Variants in RPUSD1 observed in about 807,000 individuals in gnomAD.
The protein encoded by RPUSD1 is RNA pseudouridine synthase domain containing 1, also known as pseudouridylate synthase RPUSD1.
In RPUSD1, 28 loss-of-function variants were observed where a neutral mutation model predicts 22.4. The observed-to-expected ratio is 1.25, with a 90% CI of 0.93 to 1.72. RPUSD1 has a LOEUF of 1.72. Ranked by LOEUF, RPUSD1 falls within the 40% of genes most tolerant of loss-of-function variation. The probability of loss-of-function intolerance (pLI) is 0.00; values close to 1 mark genes in which losing one functional copy is unlikely to be tolerated. For synonymous variants in RPUSD1, 298 were observed against 201.0 expected (o/e 1.48, Z -4.08); for missense variants, 596 against 442.2 (o/e 1.35, Z -3.12).
chr16:785,827 A>G lies in RPUSD1; in HGVS notation c.*123T>C. 1 of 909,370 alleles carries G rather than the reference A, an allele frequency of 1.1e-6. No individual in the cohort carries two copies. The highest frequency in any genetic ancestry group is 3.6e-5 in the Admixed American group (1 of 27,456). The allele number at this position is 909,370 out of a possible 1,614,324, so 56.3% of individuals were successfully genotyped here. A position where few individuals can be genotyped will look rare whatever the true frequency, so the allele number is the denominator to read the frequency against. On this transcript the variant is annotated 3_prime_UTR_variant, in exon 6 of 6. Coordinates refer to ENST00000007264, the MANE Select transcript of RPUSD1 (RefSeq NM_058192.3). Reference sequence around the variant, plus strand: ...CTTCCTCGCAGGCCTGGCCGGGGCAACCCAGTGGGCCTGATGCTGCCTGGC... The same window carrying G: ...CTTCCTCGCAGGCCTGGCCGGGGCAGCCCAGTGGGCCTGATGCTGCCTGGC...
chr16:785,961 GT>G lies in RPUSD1; in HGVS notation c.927del (p.Glu309AspfsTer21), dbSNP rs1490836654. 8 of 1,439,552 alleles carry G rather than the reference GT, an allele frequency of 5.6e-6. No individual in the cohort carries two copies. In the South Asian group the frequency reaches 5.8e-5, roughly 10 times the overall value. The allele number at this position is 1,439,552 out of a possible 1,614,324, so 89.2% of individuals were successfully genotyped here. ...CAGCCCCACGGCTCTCAGCTGTCCGGTTCCAGCGTCCACTCCGACAGCCACT... is the reference window on the plus strand; with the variant it reads ...CAGCCCCACGGCTCTCAGCTGTCCGGTCCAGCGTCCACTCCGACAGCCACT... ...CLQWLSEWTL[E>X]PDS On this transcript the variant is annotated frameshift_variant, in exon 6 of 6. Coordinates refer to ENST00000007264, the MANE Select transcript of RPUSD1 (RefSeq NM_058192.3). LOFTEE classifies it high-confidence loss of function.
In RPUSD1 at chr16:787,404, C is replaced by G. The variant is rs1028518519; in HGVS notation, c.256G>C (p.Ala86Pro). The G allele has an allele frequency of 6.3e-7, 1 of 1,586,502 alleles. No homozygotes were observed. ...CGCCGCTCCTTGAAGCACCTGTACG[C>G]GCTGCCGGCGGCTGCCTTGTTTAGG... Reference protein sequence around the residue: ...VALNKAAAGSAYRCFKERRVT... With the variant: ...VALNKAAAGSPYRCFKERRVT... Residue 86 changes from alanine to proline, a missense_variant, in exon 3 of 6, where the codon GCG becomes CCG. Transcript: ENST00000007264.
chr16:785,991 G>A lies in RPUSD1; in HGVS notation c.898C>T (p.Leu300=). The A allele has an allele frequency of 2.1e-6, 3 of 1,456,436 alleles. No individual in the cohort carries two copies. The highest frequency in any genetic ancestry group is 1.8e-6 in the Non-Finnish European group (2 of 1,108,594). The allele number at this position is 1,456,436 out of a possible 1,614,324, so 90.2% of individuals were successfully genotyped here. A position where few individuals can be genotyped will look rare whatever the true frequency, so the allele number is the denominator to read the frequency against. The change falls in exon 6 of 6, where the codon CTG becomes TTG. Residue 300 remains leucine, a synonymous_variant. Transcript: ENST00000007264. ...AGCGTCCACTCCGACAGCCACTGCA[G>A]GCAGGGGCCCCGCTGTGCCTCAGTC... ...PETEAQRGPC[L]QWLSEWTLEP... is the part of the protein sequence containing the mutation.
Position 786,825 on chromosome 16 carries a change from AC to A in RPUSD1, c.511+1del. Reference sequence around the variant, plus strand: ...CCAGGACACCGCCCACCCCAGACACACCCGTGAGCGGCTTCAGCAGCACTTT... The same window carrying A: ...CCAGGACACCGCCCACCCCAGACACACCGTGAGCGGCTTCAGCAGCACTTT... On this transcript the variant is annotated splice_donor_variant, in intron 5 of 5. Transcript: ENST00000007264. LOFTEE classifies it high-confidence loss of function. 1 of 1,611,334 alleles carries A rather than the reference AC, an allele frequency of 6.2e-7. No homozygotes were observed. The highest frequency in any genetic ancestry group is 2.2e-5 in the East Asian group (1 of 44,844).
chr16:788,095 C>A (rs1402536397), intron 1 of RPUSD1, 161 bp downstream of exon 1: 3 of 481,854 alleles, frequency 6.2e-6, no homozygotes, highest in Non-Finnish European at 1.2e-5. Flanking sequence ...GGGGCTGCAG[C>A]ACTACCAGGC....
Position 787,450 on chromosome 16 carries a change from G to T in RPUSD1, c.210C>A (p.Thr70=), listed in dbSNP as rs375981058. The T allele has an allele frequency of 9.0e-5, 142 of 1,583,996 alleles. No homozygotes were observed. The highest frequency in any genetic ancestry group is 1.2e-4 in the Non-Finnish European group (135 of 1,165,124). The change falls in exon 3 of 6, where the codon ACC becomes ACA. Residue 70 remains threonine (T), a synonymous_variant. Coordinates refer to ENST00000007264, the MANE Select transcript of RPUSD1 (RefSeq NM_058192.3). ...FRFCHQLDFS[T]SGALCVALNK... Reference sequence around the variant, plus strand: ...TTAGGGCCACGCACAGCGCCCCGCTGGTGGAGAAATCCAGCTGGTGGCAGA... The same window carrying T: ...TTAGGGCCACGCACAGCGCCCCGCTTGTGGAGAAATCCAGCTGGTGGCAGA...
In RPUSD1 at chr16:787,873, T is replaced by C. The variant is rs975328428; in HGVS notation, c.-7-129A>G. The C allele has an allele frequency of 1.3e-4, 109 of 839,988 alleles. 1 individual carries two copies. The highest frequency in any genetic ancestry group is 1.8e-4 in the Admixed American group (7 of 38,304). 52.0% of individuals were successfully genotyped at this position (839,988 alleles called of 1,614,324 possible). A position where few individuals can be genotyped will look rare whatever the true frequency, so the allele number is the denominator to read the frequency against. The stretch of plus-strand genomic sequence containing the variant: ...CACCGAGCCGGGTCCGCAGCCCTAC[T>C]GTGCACCTGCATCCTCAGTCCCCGA... On this transcript the variant is annotated intron_variant, in intron 1 of 5. Coordinates refer to ENST00000007264, the MANE Select transcript of RPUSD1 (RefSeq NM_058192.3).
Position 785,863 on chromosome 16 carries a change from C to A in RPUSD1, c.*87G>T. ...CTGATGCTGCCTGGCACCTCGAGGC[C>A]CCAGAGCCAGTGAGCAGACGCTCGC... On this transcript the variant is annotated 3_prime_UTR_variant, in exon 6 of 6. Transcript: ENST00000007264. 8.1e-7 allele frequency: 1 copy of A among 1,228,482 alleles called. No individual in the cohort carries two copies. The highest frequency in any genetic ancestry group is 2.8e-5 in the East Asian group (1 of 35,730). The allele number at this position is 1,228,482 out of a possible 1,614,324, so 76.1% of individuals were successfully genotyped here.
rs1224228790 is a variant in RPUSD1 at position 787,486 on chromosome 16, G to A, written c.183-9C>T. On this transcript the variant is annotated splice_polypyrimidine_tract_variant and intron_variant, in intron 2 of 5. Coordinates refer to ENST00000007264, the MANE Select transcript of RPUSD1 (RefSeq NM_058192.3). ...CCAGCTGGTGGCAGAACCTGGAGTGGGACAGAGTCCAGAGTCTGAGCCACT... is the reference window on the plus strand; with the variant it reads ...CCAGCTGGTGGCAGAACCTGGAGTGAGACAGAGTCCAGAGTCTGAGCCACT... The A allele has an allele frequency of 9.4e-6, 15 of 1,589,478 alleles. 1 individual carries two copies. The highest frequency in any genetic ancestry group is 2.3e-5 in the South Asian group (2 of 88,590).
chr16:785,679 C>T lies in RPUSD1; in HGVS notation c.*271G>A, dbSNP rs78338841. 4,253 of 385,124 alleles carry T rather than the reference C, an allele frequency of 0.011. 175 individuals are homozygous for T. In the South Asian group the frequency reaches 0.13, roughly 12 times the overall value. 23.9% of individuals were successfully genotyped at this position (385,124 alleles called of 1,614,324 possible). ...CTGTTCCAGGAGGAGGGAGGGGCCT[C>T]GGTTTCTCCCGGGGCATGTGGGCAG... On this transcript the variant is annotated 3_prime_UTR_variant, in exon 6 of 6. Transcript: ENST00000007264.
At chr16:788,143 G>A (rs1596734732) in intron 1 of RPUSD1, 113 bp downstream of exon 1, 1 of 450,822 alleles carries the variant, frequency 2.2e-6, no homozygotes, top group South Asian at 1.6e-5. Context: ...GGTTAGGGCT[G>A]GGGCCTCCTC....
rs2151629799 is a variant in RPUSD1, at chr16:785,879, A to G, written c.*71T>C. Reference sequence around the variant, plus strand: ...CCTCGAGGCCCCAGAGCCAGTGAGCAGACGCTCGCTCGCCCATCTCCCTAG... The same window carrying G: ...CCTCGAGGCCCCAGAGCCAGTGAGCGGACGCTCGCTCGCCCATCTCCCTAG... On this transcript the variant is annotated 3_prime_UTR_variant, in exon 6 of 6. Transcript: ENST00000007264. 7.7e-7 allele frequency: 1 copy of G among 1,294,084 alleles called. No homozygotes were observed. The highest frequency in any genetic ancestry group is 1.9e-4 in the Middle Eastern group (1 of 5,144). 80.2% of individuals were successfully genotyped at this position (1,294,084 alleles called of 1,614,324 possible).
At position 787,710 on chromosome 16, in the gene RPUSD1, A is replaced by G. The variant is rs1313064477; in HGVS notation, c.28T>C (p.Ser10Pro). 1.2e-6 allele frequency: 2 copies of G among 1,611,502 alleles called. No individual in the cohort carries two copies. Among genetic ancestry groups the G allele is most frequent in the South Asian group, 1.1e-5 (1 of 91,084 alleles). The change falls in exon 2 of 6, where the codon TCC becomes CCC. Residue 10 changes from serine to proline, a missense_variant. Physicochemically the swap from Ser to Pro is moderately conservative, Grantham distance 74. Coordinates refer to ENST00000007264, the MANE Select transcript of RPUSD1 (RefSeq NM_058192.3). MEPGSVENL[S>P]IVYRSRDFLV... The stretch of plus-strand genomic sequence containing the variant: ...AAGTCGCGGCTCCGGTACACGATGG[A>G]CAGGTTCTCCACGCTGCCTGGCTCC...
In RPUSD1 at chr16:786,190, G is replaced by T. The variant is rs1320200470; in HGVS notation, c.699C>A (p.Ser233=). The change falls in exon 6 of 6, where the codon TCC becomes TCA. Residue 233 remains serine, a synonymous_variant. Transcript: ENST00000007264. The stretch of plus-strand genomic sequence containing the variant: ...TGTGGGGGCTCCAGCAGGCATCCAG[G>T]GAGGGCAGGAAGGGGTCAGGCGTGC... ...EVCTPDPFLP[S]LDACWSPHTL... 1 of 1,612,524 alleles carries T rather than the reference G, an allele frequency of 6.2e-7. No individual in the cohort carries two copies. The highest frequency in any genetic ancestry group is 1.3e-5 in the African/African-American group (1 of 74,912).
Position 785,596 on chromosome 16 carries a change from G to A in RPUSD1, c.*354C>T. Reference sequence around the variant, plus strand: ...CCAAAACCTGGCCCTGCCTCTTCCTGAGGTGACCTTGAGTCCGTAAAACTG... The same window carrying A: ...CCAAAACCTGGCCCTGCCTCTTCCTAAGGTGACCTTGAGTCCGTAAAACTG... On this transcript the variant is annotated 3_prime_UTR_variant, in exon 6 of 6. Coordinates refer to ENST00000007264, the MANE Select transcript of RPUSD1 (RefSeq NM_058192.3). The A allele has an allele frequency of 4.2e-6, 1 of 239,464 alleles. No homozygotes were observed. The highest frequency in any genetic ancestry group is 8.0e-6 in the Non-Finnish European group (1 of 124,956). The allele number at this position is 239,464 out of a possible 1,614,324, so 14.8% of individuals were successfully genotyped here.
intron 1 of RPUSD1, 107 bp from the exon 2 acceptor site, chr16:787,851 C>A: frequency 2.5e-6 from 3 of 1,181,172 alleles, no homozygotes; most frequent in Non-Finnish European, 3.6e-6. Context: ...GCGAAGCCAC[C>A]GAGCCGGGTC....
chr16:785,821 G>A lies in RPUSD1; in HGVS notation c.*129C>T, dbSNP rs113843321. 2.1e-4 allele frequency: 182 copies of A among 852,344 alleles called. 3 individuals carry two copies. In the African/African-American group the frequency reaches 2.2e-3, roughly 10 times the overall value. 52.8% of individuals were successfully genotyped at this position (852,344 alleles called of 1,614,324 possible). Reference sequence around the variant, plus strand: ...TCAGCCCTTCCTCGCAGGCCTGGCCGGGGCAACCCAGTGGGCCTGATGCTG... The same window carrying A: ...TCAGCCCTTCCTCGCAGGCCTGGCCAGGGCAACCCAGTGGGCCTGATGCTG... On this transcript the variant is annotated 3_prime_UTR_variant, in exon 6 of 6. Coordinates refer to ENST00000007264, the MANE Select transcript of RPUSD1 (RefSeq NM_058192.3).
chr16:787,547 C>T lies in RPUSD1; in HGVS notation c.182+9G>A, dbSNP rs753985410. On this transcript the variant is annotated intron_variant, in intron 2 of 5. Coordinates refer to ENST00000007264, the MANE Select transcript of RPUSD1 (RefSeq NM_058192.3). ...GACGCCACCGTGGGGCTCCGGCCGC[C>T]CCCCCTACCTGAACCCGTAGCAGGT... 8 of 1,608,984 alleles carry T rather than the reference C, an allele frequency of 5.0e-6. No homozygotes were observed. The East Asian group carries it at 1.1e-4, about 22-fold the overall frequency.
intron 3 of RPUSD1, 24 bp downstream of exon 3, chr16:787,318 TCCCCACGCCCCA>T (rs747735656): frequency 1.3e-6 from 2 of 1,558,200 alleles, no homozygotes. Flanking sequence ...GAATCCTGAG[TCCCCACGCCCCA>T]CCCCAGGACT....
Sources: gnomAD v4.1 joint callset for allele counts on GRCh38, gnomAD v4.1.1 for gene constraint, MANE v1.5 for transcripts, NCBI Gene and HGNC (gene_info 2026-07-23, HGNC 2026-07-21) for gene names.